EXT2: variants seen among roughly 807,000 people sequenced by gnomAD.
EXT2 encodes the protein exostosin glycosyltransferase 2, also known as exostosin-2.
Under a neutral mutation model 81.6 loss-of-function variants are expected in EXT2, and 53 were observed. The observed-to-expected ratio is 0.65, with a 90% CI of 0.52 to 0.82. EXT2 has a LOEUF of 0.82. EXT2 is among the 40% of genes least tolerant of loss of function. The probability of loss-of-function intolerance (pLI) is 0.00; values close to 1 mark genes in which losing one functional copy is unlikely to be tolerated. For synonymous variants in EXT2, 320 were observed against 340.0 expected, an observed-to-expected ratio of 0.94 and a Z score of 0.65; for missense variants, 774 against 910.2, an observed-to-expected ratio of 0.85 and a Z score of 1.93.
At chr11:44,233,481 A>G (rs1017873841) in intron 11 of EXT2, among the ~76,000 whole-genome samples, 1 of 151,986 alleles carries the variant, frequency 6.6e-6, no homozygotes, top group African/African-American at 2.4e-5. Context: ...TTAGGGAGAG[A>G]TTGGGGAATA....
chr11:44,223,843 G>A (rs935014273), intron 10 of EXT2, among the ~76,000 whole-genome samples: 2 of 152,074 alleles, frequency 1.3e-5, no homozygotes, highest in African/African-American at 4.8e-5. Context: ...AGTAGAGACG[G>A]GGTTTCACCG....
chr11:44,161,995 T>G (rs909381151), intron 7 of EXT2, among the ~76,000 whole-genome samples: 5 of 152,216 alleles, frequency 3.3e-5, no homozygotes, highest in African/African-American at 1.2e-4. Flanking sequence ...TAGAGGAGAC[T>G]GAGCTGACAT....
At chr11:44,102,071 A>G (rs952338104) in intron 1 of EXT2, among the ~76,000 whole-genome samples, 1 of 152,012 alleles carries the variant, frequency 6.6e-6, no homozygotes, top group Non-Finnish European at 1.5e-5. Context: ...CCCATATCCC[A>G]TGGATTGAAG....
At chr11:44,096,629 G>A (rs573518745) in intron 1 of EXT2, among the ~76,000 whole-genome samples, 38 of 152,290 alleles carry the variant, frequency 2.5e-4, no homozygotes, top group Non-Finnish European at 4.7e-4. Flanking sequence ...TGTTAGTCTC[G>A]GGACTAGGTG....
At chr11:44,236,502 A>G (rs1955966963) in intron 13 of EXT2, 127 bp downstream of exon 13, 2 of 847,274 alleles carry the variant, frequency 2.4e-6, no homozygotes, top group Non-Finnish European at 3.9e-6. Context: ...CTCCATGTGC[A>G]CTGTGGGAAT....
intron 13 of EXT2, among the ~76,000 whole-genome samples, chr11:44,239,901 G>A (rs944624399): frequency 4.0e-5 from 6 of 151,878 alleles, no homozygotes; most frequent in African/African-American, 1.2e-4. Context: ...CAATCTTCAC[G>A]CATGCGCAAG....
chr11:44,146,357 A>G lies in EXT2; in HGVS notation c.1173+16219A>G, dbSNP rs562540834. ...GCTCAGCCCCAGGTCTGTATAAAGTATAAGACTCAAAGTCAGTAGCTGTCA... is the reference window on the plus strand; with the variant it reads ...GCTCAGCCCCAGGTCTGTATAAAGTGTAAGACTCAAAGTCAGTAGCTGTCA... On this transcript the variant is annotated intron_variant, in intron 7 of 13. Transcript: ENST00000533608. Among the ~76,000 whole-genome samples, 5 of 152,356 alleles carry G rather than the reference A, an allele frequency of 3.3e-5. No individual in the cohort carries two copies. The South Asian group carries it at 1.0e-3, about 32-fold the overall frequency.
chr11:44,187,120 C>T (rs2135161781), intron 8 of EXT2, among the ~76,000 whole-genome samples: 1 of 150,958 alleles, frequency 6.6e-6, no homozygotes, highest in South Asian at 2.1e-4. Context: ...TCCCTACAGC[C>T]TTGACCTCCT....
At chr11:44,173,186 C>T (rs554248504) in intron 8 of EXT2, among the ~76,000 whole-genome samples, 1 of 152,184 alleles carries the variant, frequency 6.6e-6, no homozygotes, top group Non-Finnish European at 1.5e-5. Context: ...TCTCTCCTCA[C>T]TGGGACACCT....
chr11:44,143,365 AT>A (rs1465973275), intron 7 of EXT2, among the ~76,000 whole-genome samples: 2 of 152,104 alleles, frequency 1.3e-5, no homozygotes, highest in Non-Finnish European at 2.9e-5. Flanking sequence ...CCCTGGGGGA[AT>A]TTTCAAACTT....
rs1319047047 is a variant in EXT2, at chr11:44,096,298, C to T, written c.-31+446C>T. ...CGGTGGTGGCCTGCGGCATCCCTTG[C>T]GGTGCCAGAAGCCGTGGGACGAGGT... On this transcript the variant is annotated intron_variant, in intron 1 of 13. Transcript: ENST00000533608. 4 of 1,535,808 alleles carry T rather than the reference C, an allele frequency of 2.6e-6. No individual in the cohort carries two copies. The East Asian group carries it at 7.3e-5, about 28-fold the overall frequency.
intron 10 of EXT2, among the ~76,000 whole-genome samples, chr11:44,227,118 C>T (rs372389743): frequency 1.3e-5 from 2 of 152,114 alleles, no homozygotes; most frequent in African/African-American, 2.4e-5. Context: ...CATAACTGAA[C>T]GTCCCAGATG....
rs1273431775 is a variant in EXT2 at position 44,108,003 on chromosome 11, C to T, written c.291C>T (p.Gly97=). The T allele has an allele frequency of 6.2e-7, 1 of 1,614,104 alleles. No homozygotes were observed. Among genetic ancestry groups the T allele is most frequent in the East Asian group, 2.2e-5 (1 of 44,894 alleles). ...CGTGTTTTGATGTCTATCGCTGTGGCTTCAACCCAAAGAACAAAATCAAGG... is the reference window on the plus strand; with the variant it reads ...CGTGTTTTGATGTCTATCGCTGTGGTTTCAACCCAAAGAACAAAATCAAGG... ...MHTCFDVYRC[G]FNPKNKIKVY... Residue 97 remains glycine (G), a synonymous_variant, in exon 2 of 14, where the codon GGC becomes GGT. Coordinates refer to ENST00000533608, the MANE Select transcript of EXT2 (RefSeq NM_207122.2).
intron 4 of EXT2, among the ~76,000 whole-genome samples, chr11:44,123,497 A>G (rs1954349167): frequency 6.6e-6 from 1 of 152,106 alleles, no homozygotes; most frequent in African/African-American, 2.4e-5. Context: ...TTTGACACTG[A>G]TTCCTTGTGG....
In EXT2 at chr11:44,232,334, A is replaced by G; in HGVS notation, c.1663-19A>G. 1 of 1,613,408 alleles carries G rather than the reference A, an allele frequency of 6.2e-7. No individual in the cohort carries two copies. The highest frequency in any genetic ancestry group is 1.7e-4 in the Middle Eastern group (1 of 5,764). Reference sequence around the variant, plus strand: ...CTGTCTGAATTGGGACTTGATTGTTATTATGTGTCTGTCCTTAGGTCTGGC... The same window carrying G: ...CTGTCTGAATTGGGACTTGATTGTTGTTATGTGTCTGTCCTTAGGTCTGGC... On this transcript the variant is annotated intron_variant, in intron 10 of 13. Transcript: ENST00000533608.
intron 10 of EXT2, among the ~76,000 whole-genome samples, chr11:44,208,984 G>A (rs921562503): frequency 6.6e-5 from 10 of 152,116 alleles, no homozygotes; most frequent in Non-Finnish European, 1.5e-5. Flanking sequence ...CATTTTTTAG[G>A]TACCCCTACC....
intron 10 of EXT2, 73 bp downstream of exon 10, chr11:44,207,032 G>T: frequency 6.6e-7 from 1 of 1,507,046 alleles, no homozygotes; most frequent in Non-Finnish European, 9.2e-7. Flanking sequence ...TTCTAAAAAA[G>T]AGTATTATAT....
chr11:44,125,111 G>GCATTGCT, intron 5 of EXT2, 127 bp downstream of exon 5: 1 of 879,530 alleles, frequency 1.1e-6, no homozygotes. Flanking sequence ...AGAAAACATA[G>GCATTGCT]CATTGCTCTT....
intron 9 of EXT2, among the ~76,000 whole-genome samples, chr11:44,202,583 C>T (rs2135195318): frequency 6.6e-6 from 1 of 152,268 alleles, no homozygotes; most frequent in East Asian, 1.9e-4. Context: ...GGGTGATGTA[C>T]CAGATCTCAA....
Sources: gnomAD v4.1 joint callset for allele counts (sites outside exome capture counted in the v4.1 genomes callset) on GRCh38, gnomAD v4.1.1 for gene constraint, MANE v1.5 for transcripts, NCBI Gene and HGNC (gene_info 2026-07-23, HGNC 2026-07-21) for gene names.